MAP1A: variants seen among roughly 807,000 people sequenced by gnomAD.
MAP1A encodes the protein microtubule associated protein 1A, also known as microtubule-associated protein 1A.
A neutral mutation model predicts 185.9 loss-of-function variants in MAP1A; 42 were observed. The observed-to-expected ratio is 0.23, with a 90% CI of 0.18 to 0.29. The LOEUF is 0.29. MAP1A is among the 10% of genes least tolerant of loss of function. MAP1A has a pLI of 1.00. For synonymous variants in MAP1A, 1,229 were observed against 1,335.9 expected (o/e 0.92, Z 1.74); for missense variants, 2,995 against 3,450.4 (o/e 0.87, Z 3.31).
rs775552349 is a variant in MAP1A at position 43,521,444 on chromosome 15, C to T, written c.-30C>T. On this transcript the variant is annotated 5_prime_UTR_variant, in exon 4 of 6. Coordinates refer to ENST00000300231, the MANE Select transcript of MAP1A (RefSeq NM_002373.6). The surrounding 1 kb of genome is among the most constrained non-coding windows in gnomAD (Gnocchi z 4.6). Reference sequence around the variant, plus strand: ...CAGTTCCCAAGAGACCCTGCACCTCCGGCTAAACCCTGAGCCCACTCTGCC... The same window carrying T: ...CAGTTCCCAAGAGACCCTGCACCTCTGGCTAAACCCTGAGCCCACTCTGCC... The T allele has an allele frequency of 2.2e-5, 35 of 1,613,986 alleles. No homozygotes were observed. The highest frequency in any genetic ancestry group is 6.7e-5 in the East Asian group (3 of 44,886).
chr15:43,527,532 C>A lies in MAP1A; in HGVS notation c.6059C>A (p.Pro2020His), dbSNP rs200678338. The change falls in exon 4 of 6, where the codon CCT becomes CAT. Residue 2020 changes from proline (P) to histidine (H), a missense_variant. By Grantham distance (77) the Pro-to-His change is moderately conservative. This residue lies in a region of MAP1A where 2,728 missense variants were observed against 2,986.0 expected (regional missense o/e 0.91). Coordinates refer to ENST00000300231, the MANE Select transcript of MAP1A (RefSeq NM_002373.6). ...NTSAEKELSSPISPKSLQSDT... is the reference protein window; with the variant it reads ...NTSAEKELSSHISPKSLQSDT... ...TCTGCAGAGAAGGAGCTTTCATCTC[C>A]TATCTCACCCAAGAGCCTCCAGTCT... The A allele has an allele frequency of 6.2e-7, 1 of 1,614,088 alleles. No individual in the cohort carries two copies. Among genetic ancestry groups the A allele is most frequent in the East Asian group, 2.2e-5 (1 of 44,880 alleles).
rs750894987 is a variant in MAP1A, at chr15:43,511,200, G to C, written c.212G>C (p.Arg71Thr). 1.1e-5 allele frequency: 17 copies of C among 1,550,402 alleles called. No homozygotes were observed. The African/African-American group carries it at 1.9e-4, about 17-fold the overall frequency. ...GATATCGGTACAGAGAGTCAGCTGA[G>C]GGCCGTGCGGGCCCACCTTGAACAA... Residue 71 changes from arginine (R) to threonine (T), a missense_variant, in exon 1 of 7, where the codon AGG becomes ACG. By Grantham distance (71) the Arg-to-Thr change is moderately conservative. Transcript: ENST00000382031.
chr15:43,518,285 C>A (rs564808848), intron 1 of MAP1A, among the ~76,000 whole-genome samples: 1 of 152,066 alleles, frequency 6.6e-6, no homozygotes, highest in Non-Finnish European at 1.5e-5. Flanking sequence ...CTATTCCCTG[C>A]GGCTAGCTTT....
Position 43,523,748 on chromosome 15 carries a change from C to T in MAP1A, c.2275C>T (p.Pro759Ser), listed in dbSNP as rs2079330039. The T allele has an allele frequency of 6.2e-7, 1 of 1,614,026 alleles. No individual in the cohort carries two copies. The highest frequency in any genetic ancestry group is 8.5e-7 in the Non-Finnish European group (1 of 1,179,984). Residue 759 changes from proline (P) to serine (S), a missense_variant, in exon 4 of 6, where the codon CCG becomes TCG. Pro to Ser is a moderately conservative substitution (Grantham distance 74). Transcript: ENST00000300231. ...TISDEEIHDE[P>S]EERPAPPRFH... ...CTCAGATGAGGAGATCCATGATGAG[C>T]CGGAGGAGCGCCCAGCTCCACCCAG...
intron 1 of MAP1A, among the ~76,000 whole-genome samples, chr15:43,511,866 G>A (rs1474958325): frequency 6.6e-6 from 1 of 152,204 alleles, no homozygotes; most frequent in Non-Finnish European, 1.5e-5. Flanking sequence ...CTCAGTATCT[G>A]GGAATAGGCC....
Position 43,526,212 on chromosome 15 carries a change from AGCAGGAGAGCCTAGT to A in MAP1A, c.4747_4761del (p.Ser1583_Glu1587del). 6 of 1,613,840 alleles carry A rather than the reference AGCAGGAGAGCCTAGT, an allele frequency of 3.7e-6. No homozygotes were observed. The highest frequency in any genetic ancestry group is 5.1e-6 in the Non-Finnish European group (6 of 1,179,988). ...CTGGAAGAGAACCACCAAACTCAGG[AGCAGGAGAGCCTAGT>A]GCAGGAGGATAAAACCAGGAAACCA... is the stretch of plus-strand genomic sequence containing the variant. On this transcript the variant is annotated inframe_deletion, in exon 4 of 6. Coordinates refer to ENST00000300231, the MANE Select transcript of MAP1A (RefSeq NM_002373.6). The surrounding 1 kb of genome is among the most constrained non-coding windows in gnomAD (Gnocchi z 4.7).
At chr15:43,512,382 G>T in intron 2 of MAP1A, 1 of 871,078 alleles carries the variant, frequency 1.1e-6, no homozygotes, top group South Asian at 1.5e-5. Context: ...CGGGAGGTTT[G>T]AGTGGAGGAG....
upstream of MAP1A, among the ~76,000 whole-genome samples, chr15:43,513,823 A>G (rs1454434245): frequency 1.3e-5 from 2 of 152,112 alleles, no homozygotes; most frequent in African/African-American, 2.4e-5. Flanking sequence ...ACCACTTAGT[A>G]CTCCTAGGAG....
In MAP1A at chr15:43,529,278, A is replaced by G; in HGVS notation, c.7805A>G (p.Gln2602Arg). Reference sequence around the variant, plus strand: ...AGGCTACGGGAGAAGGAAAAGGTTCAGGGGCGAGTAGGGCGCAGGGCCCCA... The same window carrying G: ...AGGCTACGGGAGAAGGAAAAGGTTCGGGGGCGAGTAGGGCGCAGGGCCCCA... ...VERLREKEKV[Q>R]GRVGRRAPGK... Residue 2602 changes from glutamine to arginine, a missense_variant, in exon 4 of 6, where the codon CAG becomes CGG. Transcript: ENST00000300231. The surrounding 1 kb of genome is among the most constrained non-coding windows in gnomAD (Gnocchi z 4.3). 1 of 1,613,882 alleles carries G rather than the reference A, an allele frequency of 6.2e-7. No individual in the cohort carries two copies. Among genetic ancestry groups the G allele is most frequent in the Non-Finnish European group, 8.5e-7 (1 of 1,179,980 alleles).
At position 43,522,828 on chromosome 15, in the gene MAP1A, C is replaced by T; in HGVS notation, c.1355C>T (p.Thr452Ile). The change falls in exon 4 of 6, where the codon ACC (threonine) becomes ATC (isoleucine). Residue 452 changes from threonine (T) to isoleucine (I), a missense_variant. Coordinates refer to ENST00000300231, the MANE Select transcript of MAP1A (RefSeq NM_002373.6). The surrounding 1 kb of genome is among the most constrained non-coding windows in gnomAD (Gnocchi z 5.9). ...DAKKEEKRKD[T>I]KPELKKISKP... ...AAGAAGGAGGAGAAGAGGAAAGATA[C>T]CAAACCTGAGCTCAAGAAGATTTCC... 1 of 1,593,790 alleles carries T rather than the reference C, an allele frequency of 6.3e-7. No homozygotes were observed.
chr15:43,512,350 C>A, intron 2 of MAP1A: 4 of 1,258,846 alleles, frequency 3.2e-6, no homozygotes, highest in Non-Finnish European at 4.5e-6. Flanking sequence ...GAGGTCCAGT[C>A]TCCCTGGGAG....
rs745849967 is a variant in MAP1A, at chr15:43,526,924, G to A, written c.5451G>A (p.Glu1817=). The change falls in exon 4 of 6, where the codon GAG becomes GAA. Residue 1817 remains glutamate, a synonymous_variant. Coordinates refer to ENST00000300231, the MANE Select transcript of MAP1A (RefSeq NM_002373.6). The surrounding 1 kb of genome is among the most constrained non-coding windows in gnomAD (Gnocchi z 4.7). The part of the protein sequence containing the change: ...GQRVPSAPGQ[E]SPIPDPKLMP... ...GGGTTCCTTCAGCCCCAGGACAAGAGAGTCCTATCCCAGACCCTAAGCTCA... is the reference window on the plus strand; with the variant it reads ...GGGTTCCTTCAGCCCCAGGACAAGAAAGTCCTATCCCAGACCCTAAGCTCA... 16 of 1,613,936 alleles carry A rather than the reference G, an allele frequency of 9.9e-6. No individual in the cohort carries two copies. Among genetic ancestry groups the A allele is most frequent in the Non-Finnish European group, 1.4e-5 (16 of 1,179,984 alleles).
In MAP1A at chr15:43,527,422, C is replaced by T; in HGVS notation, c.5949C>T (p.Cys1983=). The change falls in exon 4 of 6, where the codon TGC becomes TGT. Residue 1983 remains cysteine, a synonymous_variant. Transcript: ENST00000300231. ...TGCTTACTGGGCTTGGCCCTGCATG[C>T]CCCACTAGAGAGCCTCCACTTGGAG... The part of the protein sequence containing the change: ...QMMLTGLGPA[C]PTREPPLGAA... 1 of 1,614,176 alleles carries T rather than the reference C, an allele frequency of 6.2e-7. No individual in the cohort carries two copies. The highest frequency in any genetic ancestry group is 2.2e-5 in the East Asian group (1 of 44,890).
rs201705385 is a variant in MAP1A at position 43,528,909 on chromosome 15, G to A, written c.7436G>A (p.Arg2479Gln). Reference protein sequence around the residue: ...EEVRLVGRGGRRRVGGPGTTG... With the variant: ...EEVRLVGRGGQRRVGGPGTTG... ...GTTCGGCTAGTAGGAAGAGGGGGGC[G>A]GCGCCGGGTAGGGGGGCCAGGGACC... The change falls in exon 4 of 6, where the codon CGG becomes CAG. Residue 2479 changes from arginine (R) to glutamine (Q), a missense_variant. Physicochemically the swap from Arg to Gln is conservative, Grantham distance 43 (BLOSUM62 1). Around this residue, in one of 3 missense-constraint regions of MAP1A, gnomAD observed 2,728 missense variants for 2,986.0 expected, o/e 0.91. Transcript: ENST00000300231. The A allele has an allele frequency of 7.4e-5, 120 of 1,612,902 alleles. No individual in the cohort carries two copies. Among genetic ancestry groups the A allele is most frequent in the Non-Finnish European group, 8.7e-5 (103 of 1,179,910 alleles).
upstream of MAP1A, chr15:43,517,491 C>T (rs536796390): frequency 7.0e-5 from 11 of 157,010 alleles, no homozygotes; most frequent in East Asian, 1.7e-3. Context: ...GCTCAGACGT[C>T]GTGAAGGCAA....
Position 43,524,948 on chromosome 15 carries a change from C to T in MAP1A, c.3475C>T (p.Pro1159Ser), listed in dbSNP as rs777078018. 3.7e-6 allele frequency: 6 copies of T among 1,614,012 alleles called. No individual in the cohort carries two copies. Among genetic ancestry groups the T allele is most frequent in the Non-Finnish European group, 5.1e-6 (6 of 1,180,020 alleles). ...DAESLSVLSV[P>S]SPDTANQEPT... Reference sequence around the variant, plus strand: ...AGAATCCCTCTCTGTCCTCAGCGTGCCCTCCCCAGACACTGCCAACCAAGA... The same window carrying T: ...AGAATCCCTCTCTGTCCTCAGCGTGTCCTCCCCAGACACTGCCAACCAAGA... Residue 1159 changes from proline (P) to serine (S), a missense_variant, in exon 4 of 6, where the codon CCC (proline) becomes TCC (serine). This residue lies in a region of MAP1A where 2,728 missense variants were observed against 2,986.0 expected (regional missense o/e 0.91). Coordinates refer to ENST00000300231, the MANE Select transcript of MAP1A (RefSeq NM_002373.6).
Position 43,525,869 on chromosome 15 carries a change from CAGA to C in MAP1A, c.4399_4401del (p.Lys1467del). On this transcript the variant is annotated inframe_deletion, in exon 4 of 6. Transcript: ENST00000300231. ...AGAACAAAAGGATACAGCCCTGGAA[CAGA>C]AGGACAAGGCCCTGGAACCAAAAGA... The C allele has an allele frequency of 2.5e-6, 4 of 1,609,778 alleles. No individual in the cohort carries two copies. In the South Asian group the frequency reaches 4.4e-5, roughly 18 times the overall value.
chr15:43,520,791 T>C (rs1007328286), intron 2 of MAP1A, 68 bp downstream of exon 2: 5 of 1,387,752 alleles, frequency 3.6e-6, no homozygotes, highest in Non-Finnish European at 5.0e-6. Context: ...TTGCCAGTGC[T>C]ACCACTATTA....
rs370658866 is a variant in MAP1A, at chr15:43,523,884, C to T, written c.2411C>T (p.Thr804Met). 97 of 1,614,056 alleles carry T rather than the reference C, an allele frequency of 6.0e-5. 1 individual carries two copies. Among genetic ancestry groups the T allele is most frequent in the South Asian group, 5.6e-4 (51 of 91,088 alleles). Residue 804 changes from threonine (T) to methionine (M), a missense_variant, in exon 4 of 6, where the codon ACG (threonine) becomes ATG (methionine). Thr to Met is a moderately conservative substitution (Grantham distance 81, BLOSUM62 -1). Coordinates refer to ENST00000300231, the MANE Select transcript of MAP1A (RefSeq NM_002373.6). The part of the protein sequence containing the change: ...VPATSGKVYG[T>M]PETELTYPTN... ...GCTACCTCTGGCAAAGTCTATGGAA[C>T]GCCAGAGACTGAACTCACCTACCCC...
Sources: allele counts gnomAD v4.1 joint callset (sites outside exome capture counted in the v4.1 genomes callset), GRCh38; gene constraint gnomAD v4.1.1; regional missense constraint gnomAD v4.1.1; non-coding constraint Gnocchi (gnomAD v3.1); transcripts MANE v1.5; gene names NCBI Gene and HGNC (gene_info 2026-07-23, HGNC 2026-07-21).